ZZEF1: variants seen among roughly 807,000 people sequenced by gnomAD.
ZZEF1 encodes the protein zinc finger ZZ-type and EF-hand domain-containing protein 1.
In ZZEF1, 157 loss-of-function variants were observed where a neutral mutation model predicts 342.8. That is an observed-to-expected ratio of 0.46 (90% CI 0.40 to 0.52). The LOEUF is 0.52. ZZEF1 is among the 20% of genes least tolerant of loss of function. The probability of loss-of-function intolerance (pLI) is 0.00; values close to 1 mark genes in which losing one functional copy is unlikely to be tolerated. For missense variants in ZZEF1, 3,480 were observed against 3,725.6 expected, an observed-to-expected ratio of 0.93 and a Z score of 1.72; for synonymous variants, 1,505 against 1,429.1, an observed-to-expected ratio of 1.05 and a Z score of -1.20.
intron 29 of ZZEF1, among the ~76,000 whole-genome samples, chr17:4,063,667 T>A (rs2057329611): frequency 6.6e-6 from 1 of 151,792 alleles, no homozygotes; most frequent in East Asian, 1.9e-4. Flanking sequence ...GCTCAAGTGA[T>A]CCTCCTGCCT....
chr17:4,109,154 GATCC>G (rs1276924254), intron 6 of ZZEF1, among the ~76,000 whole-genome samples: 2 of 152,248 alleles, frequency 1.3e-5, no homozygotes, highest in East Asian at 3.9e-4. Flanking sequence ...GCCCTCAACT[GATCC>G]ATTACTGCAG....
chr17:4,106,184 G>T (rs1217174242), intron 6 of ZZEF1, among the ~76,000 whole-genome samples: 1 of 152,156 alleles, frequency 6.6e-6, no homozygotes, highest in African/African-American at 2.4e-5. Flanking sequence ...CTGACCTCGT[G>T]ATCCACCTAC....
chr17:4,118,352 C>T (rs893040387), intron 2 of ZZEF1, among the ~76,000 whole-genome samples: 1 of 152,124 alleles, frequency 6.6e-6, no homozygotes, highest in Non-Finnish European at 1.5e-5. Context: ...TACCAAGGCC[C>T]GGAGCTGTCT....
chr17:4,051,838 T>C (rs923806581), intron 35 of ZZEF1, 133 bp downstream of exon 35: 1 of 878,600 alleles, frequency 1.1e-6, no homozygotes, highest in African/African-American at 1.7e-5. Flanking sequence ...GTTCACTGTG[T>C]TAGTCTCTTT....
chr17:4,055,242 C>A (rs950299385), intron 33 of ZZEF1, among the ~76,000 whole-genome samples: 4 of 152,190 alleles, frequency 2.6e-5, no homozygotes, highest in African/African-American at 9.7e-5. Context: ...AACTACAGAA[C>A]TCCCAAAAGG....
chr17:4,048,977 C>T (rs1210282302), intron 37 of ZZEF1, among the ~76,000 whole-genome samples: 1 of 151,858 alleles, frequency 6.6e-6, no homozygotes, highest in Non-Finnish European at 1.5e-5. Context: ...CTTGGCCTCC[C>T]AAAGTGCTGG....
chr17:4,123,007 C>T (rs1469290258), intron 2 of ZZEF1, among the ~76,000 whole-genome samples: 3 of 149,920 alleles, frequency 2.0e-5, no homozygotes, highest in Non-Finnish European at 4.4e-5. Flanking sequence ...GCAAGCTCCG[C>T]CTCCCAGGTT....
In ZZEF1 at chr17:4,017,165, T is replaced by C. The variant is rs559077219; in HGVS notation, c.8001+206A>G. 5.3e-5 allele frequency: 34 copies of C among 636,238 alleles called. No individual in the cohort carries two copies. In the African/African-American group the frequency reaches 6.0e-4, roughly 11 times the overall value. The allele number at this position is 636,238 out of a possible 1,614,324, so 39.4% of individuals were successfully genotyped here. ...TGGCGACAAAGCTTTCTGGTTCAGC[T>C]GGAAATCGCGCTCAGGGCCCCTGAG... On this transcript the variant is annotated intron_variant, in intron 48 of 54. Transcript: ENST00000381638. This position sits in a 1 kb window ranked among gnomAD's most constrained non-coding sequence, Gnocchi z 5.1.
intron 30 of ZZEF1, among the ~76,000 whole-genome samples, chr17:4,060,513 C>A (rs1346111239): frequency 2.6e-5 from 4 of 151,780 alleles, no homozygotes; most frequent in African/African-American, 9.7e-5. Context: ...CATGCCACTG[C>A]ACTCCAGCCT....
chr17:4,059,065 T>G (rs2057229477), intron 31 of ZZEF1, 106 bp downstream of exon 31: 4 of 994,674 alleles, frequency 4.0e-6, no homozygotes, highest in Non-Finnish European at 5.6e-6. Flanking sequence ...TTATTTTTAT[T>G]TTATTCTTTG....
intron 1 of ZZEF1, among the ~76,000 whole-genome samples, chr17:4,136,339 G>T (rs1382296871): frequency 2.6e-4 from 12 of 46,064 alleles, no homozygotes; most frequent in African/African-American, 5.5e-4. Context: ...GTGAGACTCC[G>T]TCTCAAAAAA....
rs1235336593 is a variant in ZZEF1, at chr17:4,008,892, A to G, written c.8796T>C (p.Cys2932=). 2 of 1,547,082 alleles carry G rather than the reference A, an allele frequency of 1.3e-6. No individual in the cohort carries two copies. Among genetic ancestry groups the G allele is most frequent in the Non-Finnish European group, 1.7e-6 (2 of 1,148,636 alleles). Residue 2932 remains cysteine (C), a synonymous_variant, in exon 54 of 55, where the codon TGT becomes TGC. Transcript: ENST00000381638. The surrounding 1 kb of genome is among the most constrained non-coding windows in gnomAD (Gnocchi z 4.2). ...ALTTDDHLLR[C]AAQALQNIAA... is the part of the protein sequence containing the mutation. Reference sequence around the variant, plus strand: ...GGGGTGGAGAGAGTACCTGTGCCGCACAGCGGAGAAGGTGGTCGTCCGTGG... The same window carrying G: ...GGGGTGGAGAGAGTACCTGTGCCGCGCAGCGGAGAAGGTGGTCGTCCGTGG...
intron 37 of ZZEF1, among the ~76,000 whole-genome samples, chr17:4,046,402 C>T (rs2056913462): frequency 6.6e-6 from 1 of 152,178 alleles, no homozygotes; most frequent in African/African-American, 2.4e-5. Context: ...ACTGTGGCTA[C>T]ATGGGAAGTG....
intron 6 of ZZEF1, among the ~76,000 whole-genome samples, chr17:4,107,283 A>C (rs1216590655): frequency 6.6e-6 from 1 of 152,236 alleles, no homozygotes; most frequent in Non-Finnish European, 1.5e-5. Flanking sequence ...AAATCTGTCC[A>C]TTCTTCAACC....
At chr17:4,043,712 C>T (rs1005233282) in intron 38 of ZZEF1, among the ~76,000 whole-genome samples, 1 of 152,216 alleles carries the variant, frequency 6.6e-6, no homozygotes, top group Non-Finnish European at 1.5e-5. Context: ...GGCCTTTGCT[C>T]CTGTTGGCCT....
At chr17:4,015,596 C>G (rs983783322) in intron 49 of ZZEF1, among the ~76,000 whole-genome samples, 4 of 152,196 alleles carry the variant, frequency 2.6e-5, no homozygotes, top group African/African-American at 4.8e-5. Context: ...GAAACCCCGT[C>G]TCTACTAAAA....
At chr17:4,089,450 G>A (rs193001401) in intron 12 of ZZEF1, among the ~76,000 whole-genome samples, 13 of 152,282 alleles carry the variant, frequency 8.5e-5, no homozygotes, top group Non-Finnish European at 5.9e-5. Context: ...CTACTATTAC[G>A]TGCCCTTAAG....
intron 9 of ZZEF1, among the ~76,000 whole-genome samples, chr17:4,098,428 G>A (rs2058075977): frequency 6.6e-6 from 1 of 151,924 alleles, no homozygotes; most frequent in South Asian, 2.1e-4. Flanking sequence ...ATGAATGAAT[G>A]AATAAATAAA....
Position 4,102,332 on chromosome 17 carries a change from G to C in ZZEF1, c.1657C>G (p.Pro553Ala). ...KSGPENLLVE[P>A]WTRDGFLTET... ...CACCACTCACCATCCCTTGTCCACG[G>C]TTCAACAAGGAGGTTTTCGGGTCCA... The change falls in exon 9 of 55, where the codon CCG (proline) becomes GCG (alanine). Residue 553 changes from proline to alanine, a missense_variant. Pro to Ala is a conservative substitution (Grantham distance 27). Around this residue, in one of 5 missense-constraint regions of ZZEF1, gnomAD observed 1,528 missense variants for 1,624.1 expected, o/e 0.94. Coordinates refer to ENST00000381638, the MANE Select transcript of ZZEF1 (RefSeq NM_015113.4). 6.2e-7 allele frequency: 1 copy of C among 1,613,614 alleles called. No homozygotes were observed. The highest frequency in any genetic ancestry group is 8.5e-7 in the Non-Finnish European group (1 of 1,179,630).
Sources: gnomAD v4.1 joint callset for allele counts (sites outside exome capture counted in the v4.1 genomes callset) on GRCh38, gnomAD v4.1.1 for gene constraint, gnomAD v4.1.1 regional missense constraint, Gnocchi (gnomAD v3.1) non-coding constraint, MANE v1.5 for transcripts, NCBI Gene and HGNC (gene_info 2026-07-23, HGNC 2026-07-21) for gene names.